FAT1: variants seen among roughly 807,000 people sequenced by gnomAD.
FAT1 encodes protocadherin Fat 1.
In FAT1, 171 loss-of-function variants were observed where a neutral mutation model predicts 329.8. That is an observed-to-expected ratio of 0.52 (90% CI 0.46 to 0.59). The LOEUF is 0.59. FAT1 is among the 20% of genes least tolerant of loss of function. The pLI is 0.00. For synonymous variants in FAT1, 2,233 were observed against 2,228.6 expected, an observed-to-expected ratio of 1.00 and a Z score of -0.06; for missense variants, 5,672 against 5,774.4, an observed-to-expected ratio of 0.98 and a Z score of 0.57.
At chr4:186,653,128 A>G (rs962589678) in intron 3 of FAT1, among the ~76,000 whole-genome samples, 3 of 152,218 alleles carry the variant, frequency 2.0e-5, no homozygotes, top group Non-Finnish European at 4.4e-5. Flanking sequence ...AAGAGAATAA[A>G]CAAAATGGGG....
intron 1 of FAT1, among the ~76,000 whole-genome samples, 190 bp downstream of exon 1, chr4:186,723,474 C>T (rs1745553449): frequency 6.6e-6 from 1 of 152,202 alleles, no homozygotes; most frequent in African/African-American, 2.4e-5. Flanking sequence ...GCCGGGACCC[C>T]CCTAGCCAGT....
chr4:186,679,080 TA>T lies in FAT1; in HGVS notation c.3266-15468del, dbSNP rs34578932. Among the ~76,000 whole-genome samples the T allele has an allele frequency of 2.2e-4, 33 of 152,018 alleles. No individual in the cohort carries two copies. In the East Asian group the frequency reaches 6.2e-3, roughly 29 times the overall value. ...TGGAACAGTAAAAGTACCTTTTGTTTAAAAAAATATTTAGGCTGGGCTGGGC... is the reference window on the plus strand; with the variant it reads ...TGGAACAGTAAAAGTACCTTTTGTTTAAAAAATATTTAGGCTGGGCTGGGC... On this transcript the variant is annotated intron_variant, in intron 2 of 26. Transcript: ENST00000441802.
chr4:186,653,291 C>A (rs1579393390), intron 3 of FAT1, among the ~76,000 whole-genome samples: 1 of 152,072 alleles, frequency 6.6e-6, no homozygotes, highest in Non-Finnish European at 1.5e-5. Context: ...CAATTACTTC[C>A]CAATGTAGAA....
Position 186,596,660 on chromosome 4 carries a change from C to G in FAT1, c.12880G>C (p.Gly4294Arg), listed in dbSNP as rs1398133234. 1.2e-6 allele frequency: 2 copies of G among 1,611,752 alleles called. No individual in the cohort carries two copies. Among genetic ancestry groups the G allele is most frequent in the Non-Finnish European group, 1.7e-6 (2 of 1,178,676 alleles). The change falls in exon 25 of 27, where the codon GGG (glycine) becomes CGG (arginine). Residue 4294 changes from glycine to arginine, a missense_variant. This residue lies in a region of FAT1 where 1,706 missense variants were observed against 1,859.1 expected (regional missense o/e 0.92). Transcript: ENST00000441802. The surrounding 1 kb of genome is among the most constrained non-coding windows in gnomAD (Gnocchi z 4.7). ...CAGACCGCCACTGCTTTTCGGTGCCCGTGCACAGACTCGGGGTTAAAAGTG... is the reference window on the plus strand; with the variant it reads ...CAGACCGCCACTGCTTTTCGGTGCCGGTGCACAGACTCGGGGTTAAAAGTG... The part of the protein sequence containing the change: ...FSTFNPESVH[G>R]HRKAVAVCSV...
At position 186,589,093 on chromosome 4, in the gene FAT1, C is replaced by T. The variant is rs758985552; in HGVS notation, c.13266G>A (p.Thr4422=). The change falls in exon 27 of 27, where the codon ACG becomes ACA. Residue 4422 remains threonine, a synonymous_variant. Transcript: ENST00000441802. ...LYSADPNAID[T]DYYPGGYDIE... is the part of the protein sequence containing the mutation. ...TGTCGTAGCCTCCAGGGTAATAGTC[C>T]GTATCGATGGCGTTTGGATCTGCTG... is the stretch of plus-strand genomic sequence containing the variant. 8.1e-6 allele frequency: 13 copies of T among 1,613,838 alleles called. No homozygotes were observed. The Middle Eastern group carries it at 4.9e-4, about 61-fold the overall frequency.
intron 4 of FAT1, 100 bp from the exon 5 acceptor site, chr4:186,637,014 A>G (rs570908541): frequency 9.3e-7 from 1 of 1,077,288 alleles, no homozygotes; most frequent in East Asian, 2.4e-5. Context: ...AAAGCTCTGC[A>G]TTTTGCAGGG....
At chr4:186,722,240 T>C (rs1745500963) in intron 1 of FAT1, among the ~76,000 whole-genome samples, 2 of 152,302 alleles carry the variant, frequency 1.3e-5, no homozygotes, top group South Asian at 4.1e-4. Flanking sequence ...AAGAGACAAA[T>C]GAATATACAG....
At chr4:186,640,837 C>T (rs150351340) in intron 3 of FAT1, among the ~76,000 whole-genome samples, 158 of 152,304 alleles carry the variant, frequency 1.0e-3, no homozygotes, top group African/African-American at 3.2e-3. Flanking sequence ...ACTAAAATGT[C>T]GTCCCCAATC....
chr4:186,690,367 A>C (rs1011980117), intron 2 of FAT1, among the ~76,000 whole-genome samples: 1 of 152,214 alleles, frequency 6.6e-6, no homozygotes, highest in African/African-American at 2.4e-5. Context: ...TCAGAGACGT[A>C]GCTCTAGGTC....
At position 186,677,861 on chromosome 4, in the gene FAT1, A is replaced by C. The variant is rs149864112; in HGVS notation, c.3266-14248T>G. Among the ~76,000 whole-genome samples, 21 of 152,334 alleles carry C rather than the reference A, an allele frequency of 1.4e-4. No individual in the cohort carries two copies. The East Asian group carries it at 3.7e-3, about 27-fold the overall frequency. On this transcript the variant is annotated intron_variant, in intron 2 of 26. Coordinates refer to ENST00000441802, the MANE Select transcript of FAT1 (RefSeq NM_005245.4). ...CAAATCTTGCTGGAGACATTAAAAG[A>C]CTATATAAGAATAGATTGGCAAGTC...
rs191002900 is a variant in FAT1 at position 186,592,715 on chromosome 4, C to T, written c.13138+2974G>A. On this transcript the variant is annotated intron_variant, in intron 26 of 26. Coordinates refer to ENST00000441802, the MANE Select transcript of FAT1 (RefSeq NM_005245.4). ...TACCTTCTGTGCTCACCGTGTCAAC[C>T]ACAGCATTGACAAGGTGCATTACGG... 165 of 456,716 alleles carry T rather than the reference C, an allele frequency of 3.6e-4. 3 individuals are homozygous for T. The East Asian group carries it at 8.7e-3, about 24-fold the overall frequency. The allele number at this position is 456,716 out of a possible 1,614,324, so 28.3% of individuals were successfully genotyped here. A position where few individuals can be genotyped will look rare whatever the true frequency, so the allele number is the denominator to read the frequency against.
At chr4:186,676,959 TA>T (rs1742985223) in intron 2 of FAT1, among the ~76,000 whole-genome samples, 1 of 152,156 alleles carries the variant, frequency 6.6e-6, no homozygotes, top group Non-Finnish European at 1.5e-5. Flanking sequence ...CTGAAGCAAA[TA>T]AAAGTCCCAT....
Position 186,721,340 on chromosome 4 carries a change from G to A in FAT1, c.-19+2324C>T, listed in dbSNP as rs1019468283. The stretch of plus-strand genomic sequence containing the variant: ...AGTTCCCCTCAGGTATGAGAAAATG[G>A]CAACTTCCTGATCTTAACTGATGTA... On this transcript the variant is annotated intron_variant, in intron 1 of 26. Coordinates refer to ENST00000441802, the MANE Select transcript of FAT1 (RefSeq NM_005245.4). 2.6e-5 allele frequency among the ~76,000 whole-genome samples: 4 copies of A among 152,140 alleles called. No homozygotes were observed. In the East Asian group the frequency reaches 7.7e-4, roughly 29 times the overall value.
At chr4:186,597,271 G>T (rs780327089) in intron 24 of FAT1, 100 bp from the exon 25 acceptor site, 39 of 1,268,536 alleles carry the variant, frequency 3.1e-5, no homozygotes, top group Non-Finnish European at 4.0e-5. Context: ...TCCTTGATGA[G>T]CTATGTGAAG....
intron 2 of FAT1, among the ~76,000 whole-genome samples, chr4:186,672,382 C>T (rs1464373266): frequency 6.6e-6 from 1 of 152,210 alleles, no homozygotes; most frequent in East Asian, 1.9e-4. Flanking sequence ...TCTCTGCCCC[C>T]TTACAGATAA....
In FAT1 at chr4:186,619,017, A is replaced by G. The variant is rs1307160134; in HGVS notation, c.7569T>C (p.Ile2523=). Residue 2523 remains isoleucine (I), a synonymous_variant, in exon 10 of 27, where the codon ATT becomes ATC. Transcript: ENST00000441802. ...EVKTTDGDSG[I]YGHVTYHIVN... ...CAATATGGTAAGTAACGTGACCATAAATACCAGAATCCCCATCCGTAGTTT... is the reference window on the plus strand; with the variant it reads ...CAATATGGTAAGTAACGTGACCATAGATACCAGAATCCCCATCCGTAGTTT... The G allele has an allele frequency of 6.2e-7, 1 of 1,613,938 alleles. No individual in the cohort carries two copies. Among genetic ancestry groups the G allele is most frequent in the East Asian group, 2.2e-5 (1 of 44,898 alleles).
chr4:186,692,458 G>T (rs558802824), intron 2 of FAT1, among the ~76,000 whole-genome samples: 2 of 151,950 alleles, frequency 1.3e-5, no homozygotes, highest in Non-Finnish European at 2.9e-5. Flanking sequence ...GACTACAGGC[G>T]CCCGCCACCA....
intron 2 of FAT1, among the ~76,000 whole-genome samples, chr4:186,701,887 G>A (rs1217896243): frequency 6.6e-6 from 1 of 152,258 alleles, no homozygotes; most frequent in Non-Finnish European, 1.5e-5. Flanking sequence ...AGCCTGGGCC[G>A]GAATTCCGTT....
chr4:186,619,577 T>G lies in FAT1; in HGVS notation c.7009A>C (p.Ser2337Arg), dbSNP rs751264536. 1.2e-5 allele frequency: 19 copies of G among 1,613,854 alleles called. No individual in the cohort carries two copies. The African/African-American group carries it at 2.5e-4, about 22-fold the overall frequency. The stretch of plus-strand genomic sequence containing the variant: ...AGTAGTGAGATGAGGCCAGTGCTGC[T>G]GTCTACATGAAAATGATCATGACTC... Reference protein sequence around the residue: ...SKSHDHFHVDSSTGLISLLRT... With the variant: ...SKSHDHFHVDRSTGLISLLRT... Residue 2337 changes from serine to arginine, a missense_variant, in exon 10 of 27, where the codon AGC becomes CGC. Transcript: ENST00000441802.
Sources: gnomAD v4.1 joint callset for allele counts (sites outside exome capture counted in the v4.1 genomes callset) on GRCh38, gnomAD v4.1.1 for gene constraint, gnomAD v4.1.1 regional missense constraint, Gnocchi (gnomAD v3.1) non-coding constraint, MANE v1.5 for transcripts, NCBI Gene and HGNC (gene_info 2026-07-23, HGNC 2026-07-21) for gene names.